The following SCN7A variants were observed in gnomAD, a reference collection of about 807,000 sequenced individuals.
SCN7A encodes sodium voltage-gated channel alpha subunit 7.
SCN7A carries 138 observed loss-of-function variants against 155.2 expected under a neutral mutation model. The ratio of observed to expected loss-of-function variants is 0.89; its 90% confidence interval spans 0.77 to 1.02. The LOEUF (loss-of-function observed/expected upper bound fraction) is 1.02. Ranked by LOEUF, SCN7A falls within the 50% of genes least tolerant of loss-of-function variation. SCN7A has a pLI of 0.00. For synonymous variants in SCN7A, 693 were observed against 649.0 expected (o/e 1.07, Z -1.03); for missense variants, 2,058 against 1,986.6 (o/e 1.04, Z -0.68).
chr2:166,467,447 A>G (rs1328838758), intron 7 of SCN7A, among the ~76,000 whole-genome samples: 3 of 149,770 alleles, frequency 2.0e-5, no homozygotes, highest in African/African-American at 7.4e-5. Context: ...AGAAAAATAT[A>G]TGTCTGTGTT....
At chr2:166,420,747 A>G (rs1262261380) in intron 20 of SCN7A, among the ~76,000 whole-genome samples, 3 of 152,020 alleles carry the variant, frequency 2.0e-5, no homozygotes, top group African/African-American at 7.2e-5. Context: ...TGTGACATTA[A>G]AAAAGTAAAT....
chr2:166,440,534 A>G (rs986325809), intron 15 of SCN7A: 70 of 152,266 alleles, frequency 4.6e-4, no homozygotes, highest in African/African-American at 1.5e-3. Context: ...CATATATGCG[A>G]TTTTACATTT....
Position 166,409,851 on chromosome 2 carries a change from T to C in SCN7A, c.3796A>G (p.Ile1266Val), listed in dbSNP as rs1196471506. ...ACATCAGTGTCTATCATCATGGCTA[T>C]TGCTTGGAAACATATAAGAACCATA... ...IVMVLICFQA[I>V]AMMIDTDVQS... The change falls in exon 25 of 26, where the codon ATA becomes GTA. Residue 1266 changes from isoleucine to valine, a missense_variant. Transcript: ENST00000643258. The C allele has an allele frequency of 1.3e-6, 2 of 1,570,734 alleles. No individual in the cohort carries two copies. The highest frequency in any genetic ancestry group is 1.7e-6 in the Non-Finnish European group (2 of 1,155,774).
At chr2:166,462,357 C>T (rs904824546) in intron 10 of SCN7A, 32 bp downstream of exon 10, 7 of 1,561,474 alleles carry the variant, frequency 4.5e-6, no homozygotes, top group Non-Finnish European at 6.1e-6. Context: ...GGTGCCATTC[C>T]TAAGTACAGT....
In SCN7A at chr2:166,486,441, CAA is replaced by C. The variant is rs796684694; in HGVS notation, c.-15+413_-15+414del. ...GAAGGTTGACCAGATATAACAGTGT[CAA>C]ATCTGCAGTTCCCAAGTCCTGGAGC... On this transcript the variant is annotated intron_variant, in intron 2 of 25. Transcript: ENST00000643258. Among the ~76,000 whole-genome samples the C allele has an allele frequency of 3.9e-5, 6 of 152,302 alleles. 1 individual carries two copies. Among genetic ancestry groups the C allele is most frequent in the African/African-American group, 1.4e-4 (6 of 41,574 alleles).
In SCN7A at chr2:166,473,855, C is replaced by T. The variant is rs377036725; in HGVS notation, c.387G>A (p.Leu129=). 3.8e-6 allele frequency: 6 copies of T among 1,567,530 alleles called. No individual in the cohort carries two copies. The highest frequency in any genetic ancestry group is 4.3e-6 in the Non-Finnish European group (5 of 1,152,946). The change falls in exon 5 of 26, where the codon CTG becomes CTA. Residue 129 remains leucine (L), a synonymous_variant. Coordinates refer to ENST00000643258, the MANE Select transcript of SCN7A (RefSeq NM_002976.4). The part of the protein sequence containing the change: ...FFQLFILISV[L]IDCVFMSLTN... The stretch of plus-strand genomic sequence containing the variant: ...TCAGGGACATGAATACGCAATCAAT[C>T]AGGACACTAATTAGAATAAACAGTT...
At position 166,437,639 on chromosome 2, in the gene SCN7A, C is replaced by G. The variant is rs537852357; in HGVS notation, c.2157+3757G>C. Among the ~76,000 whole-genome samples, 45 of 152,270 alleles carry G rather than the reference C, an allele frequency of 3.0e-4. No individual in the cohort carries two copies. In the South Asian group the frequency reaches 3.9e-3, roughly 13 times the overall value. The stretch of plus-strand genomic sequence containing the variant: ...ACCGGCCTGTGAAGGCAGCTGGGAT[C>G]GGGGCTGTACCCTACAAAGACACAG... On this transcript the variant is annotated intron_variant, in intron 15 of 25. Coordinates refer to ENST00000643258, the MANE Select transcript of SCN7A (RefSeq NM_002976.4).
intron 10 of SCN7A, among the ~76,000 whole-genome samples, chr2:166,459,634 C>T (rs1702357615): frequency 6.6e-6 from 1 of 152,126 alleles, no homozygotes; most frequent in Admixed American, 6.5e-5. Context: ...GTTCAGGATA[C>T]AAATCTAGAT....
Position 166,427,841 on chromosome 2 carries a change from T to C in SCN7A, c.2800A>G (p.Asn934Asp). The C allele has an allele frequency of 6.2e-7, 1 of 1,612,268 alleles. No homozygotes were observed. The highest frequency in any genetic ancestry group is 1.1e-5 in the South Asian group (1 of 90,928). Residue 934 changes from asparagine (N) to aspartate (D), a missense_variant, in exon 18 of 26, where the codon AAT becomes GAT. Asn to Asp is a conservative substitution (Grantham distance 23, BLOSUM62 1). Coordinates refer to ENST00000643258, the MANE Select transcript of SCN7A (RefSeq NM_002976.4). ...RKTCCKIVEN[N>D]WFKCFIGLVT... ...AGCCCAATAAAACACTTAAACCAAT[T>C]GTTCTCTACAATCTTGCAGCAGGTT...
chr2:166,483,011 T>C (rs1300015482), intron 2 of SCN7A, among the ~76,000 whole-genome samples: 7 of 152,008 alleles, frequency 4.6e-5, no homozygotes, highest in Non-Finnish European at 7.4e-5. Flanking sequence ...TTCTGAAAAA[T>C]TGAATAGCTA....
intron 25 of SCN7A, among the ~76,000 whole-genome samples, chr2:166,407,438 C>T (rs572167384): frequency 3.3e-5 from 5 of 152,034 alleles, no homozygotes; most frequent in East Asian, 1.9e-4. Context: ...AGGAATCCCA[C>T]GAGGCTTCTA....
chr2:166,426,314 G>A (rs1701623094), intron 18 of SCN7A, among the ~76,000 whole-genome samples: 1 of 152,090 alleles, frequency 6.6e-6, no homozygotes, highest in Admixed American at 6.6e-5. Flanking sequence ...AGCAGAATCT[G>A]TGATGGAGAA....
intron 2 of SCN7A, 22 bp from the exon 3 acceptor site, chr2:166,477,732 A>G (rs1305320602): frequency 1.4e-6 from 2 of 1,437,844 alleles, no homozygotes; most frequent in South Asian, 2.9e-5. Context: ...TCTGTATTAA[A>G]GTTGGGTATA....
At position 166,473,875 on chromosome 2, in the gene SCN7A, A is replaced by G. The variant is rs771723460; in HGVS notation, c.367T>C (p.Phe123Leu). ...TCAATCAGGACACTAATTAGAATAAACAGTTGGAAAAAGGTAGCTTATAGT... is the reference window on the plus strand; with the variant it reads ...TCAATCAGGACACTAATTAGAATAAGCAGTTGGAAAAAGGTAGCTTATAGT... ...KVLVHPFFQL[F>L]ILISVLIDCV... The change falls in exon 5 of 26, where the codon TTT (phenylalanine) becomes CTT (leucine). Residue 123 changes from phenylalanine to leucine, a missense_variant. By Grantham distance (22) the Phe-to-Leu change is conservative (BLOSUM62 0). Transcript: ENST00000643258. 2 of 1,566,476 alleles carry G rather than the reference A, an allele frequency of 1.3e-6. No homozygotes were observed. The highest frequency in any genetic ancestry group is 1.7e-6 in the Non-Finnish European group (2 of 1,151,896).
chr2:166,448,901 T>A (rs992209523), intron 11 of SCN7A, among the ~76,000 whole-genome samples: 9 of 152,224 alleles, frequency 5.9e-5, no homozygotes, highest in Non-Finnish European at 1.3e-4. Context: ...TTATTTGGCA[T>A]TGTGATAAGT....
chr2:166,441,247 T>A (rs1262133900), intron 15 of SCN7A, 149 bp downstream of exon 15: 2 of 543,882 alleles, frequency 3.7e-6, no homozygotes, highest in Non-Finnish European at 6.4e-6. Flanking sequence ...TAATCATATA[T>A]CAGTTGATAA....
intron 15 of SCN7A, among the ~76,000 whole-genome samples, chr2:166,432,977 G>T (rs1265507490): frequency 2.0e-5 from 3 of 152,008 alleles, no homozygotes; most frequent in Non-Finnish European, 4.4e-5. Context: ...TTGATCAACA[G>T]CTCCTCAATC....
At chr2:166,462,295 A>C (rs1194388256) in intron 10 of SCN7A, 94 bp downstream of exon 10, 3 of 1,331,334 alleles carry the variant, frequency 2.3e-6, no homozygotes, top group South Asian at 1.7e-5. Context: ...TCTGCACATA[A>C]AAATTTAAAA....
intron 2 of SCN7A, among the ~76,000 whole-genome samples, chr2:166,484,804 G>T (rs1283466211): frequency 2.0e-5 from 3 of 151,926 alleles, no homozygotes; most frequent in Non-Finnish European, 4.4e-5. Flanking sequence ...AAAGGGAAAA[G>T]AAATTTAAGA....
Sources: gnomAD v4.1 joint callset for allele counts (sites outside exome capture counted in the v4.1 genomes callset) on GRCh38, gnomAD v4.1.1 for gene constraint, MANE v1.5 for transcripts, NCBI Gene and HGNC (gene_info 2026-07-23, HGNC 2026-07-21) for gene names.